The following SLC44A5 variants were observed in gnomAD, a reference collection of about 807,000 sequenced individuals.
The protein encoded by SLC44A5 is solute carrier family 44 member 5.
SLC44A5 carries 57 observed loss-of-function variants against 101.8 expected under a neutral mutation model. That is an observed-to-expected ratio of 0.56 (90% confidence interval 0.45 to 0.70). The LOEUF is 0.70. SLC44A5 is among the 30% of genes least tolerant of loss of function. The probability of loss-of-function intolerance (pLI) is 0.00; values close to 1 mark genes in which losing one functional copy is unlikely to be tolerated. For missense variants in SLC44A5, 737 were observed against 853.1 expected (o/e 0.86, Z 1.70); for synonymous variants, 281 against 290.9 (o/e 0.97, Z 0.35).
chr1:75,444,671 T>C (rs1197687651), intron 2 of SLC44A5, among the ~76,000 whole-genome samples: 1 of 151,244 alleles, frequency 6.6e-6, no homozygotes, highest in Non-Finnish European at 1.5e-5. Context: ...CAGCAAGAGA[T>C]AGCAGGATGA....
At chr1:75,364,329 C>T (rs1027580716) in intron 3 of SLC44A5, among the ~76,000 whole-genome samples, 1 of 152,102 alleles carries the variant, frequency 6.6e-6, no homozygotes, top group South Asian at 2.1e-4. Flanking sequence ...AACTTAAAAC[C>T]ATGGTGGAAG....
chr1:75,552,937 A>G (rs1181905487), intron 1 of SLC44A5, among the ~76,000 whole-genome samples: 1 of 152,222 alleles, frequency 6.6e-6, no homozygotes, highest in African/African-American at 2.4e-5. Context: ...AGAATGAGGG[A>G]GGTTTTTTTA....
intron 2 of SLC44A5, among the ~76,000 whole-genome samples, chr1:75,470,294 G>A (rs547926892): frequency 6.6e-6 from 1 of 152,246 alleles, no homozygotes; most frequent in South Asian, 2.1e-4. Context: ...ACTCAAAGAT[G>A]GAAGAGAATG....
the SLC44A5 span, among the ~76,000 whole-genome samples, chr1:75,647,132 T>G: frequency 6.6e-6 from 1 of 152,220 alleles, no homozygotes; most frequent in African/African-American, 2.4e-5. Context: ...AAGGCTTTGC[T>G]GCTTTGTGCA....
rs1387572480 is a variant in SLC44A5 at position 75,268,461 on chromosome 1, C to T, written c.260+6497G>A. On this transcript the variant is annotated intron_variant, in intron 6 of 23. Coordinates refer to ENST00000370859, the MANE Select transcript of SLC44A5 (RefSeq NM_001130058.2). ...TGTTATTTACATTTTTATTGAGAAT[C>T]TCCCTTTAACTTAAACGTAGGCTTC... 2.6e-5 allele frequency among the ~76,000 whole-genome samples: 4 copies of T among 152,110 alleles called. No homozygotes were observed. The East Asian group carries it at 7.7e-4, about 29-fold the overall frequency.
chr1:75,541,583 C>G (rs211743), intron 1 of SLC44A5, 67 bp from the exon 2 acceptor site: 46,610 of 1,036,672 alleles, frequency 0.045, 1,257 homozygotes, highest in Middle Eastern at 0.093. Context: ...AACAACTAAC[C>G]TTTTGGGAAT....
intron 2 of SLC44A5, among the ~76,000 whole-genome samples, chr1:75,507,722 T>C (rs1258629470): frequency 6.6e-6 from 1 of 152,154 alleles, no homozygotes; most frequent in Non-Finnish European, 1.5e-5. Context: ...CTGATTCCAT[T>C]TCAGAACTCA....
chr1:75,245,270 A>G (rs1649005603), intron 7 of SLC44A5, among the ~76,000 whole-genome samples: 1 of 152,130 alleles, frequency 6.6e-6, no homozygotes, highest in Non-Finnish European at 1.5e-5. Context: ...TTGCATATTC[A>G]TGTACCTTCA....
intron 2 of SLC44A5, among the ~76,000 whole-genome samples, chr1:75,409,257 T>C (rs1396081037): frequency 2.0e-5 from 3 of 152,160 alleles, no homozygotes; most frequent in South Asian, 2.1e-4. Flanking sequence ...CCTTCTCACA[T>C]AGCCTATTGT....
At chr1:75,238,742 C>A (rs1461389165) in intron 9 of SLC44A5, 106 bp from the exon 10 acceptor site, 4 of 712,718 alleles carry the variant, frequency 5.6e-6, no homozygotes, top group South Asian at 2.7e-5. Context: ...TCTTGCTAGG[C>A]ATGCAAATTG....
intron 1 of SLC44A5, among the ~76,000 whole-genome samples, chr1:75,562,873 T>C (rs968150256): frequency 6.6e-6 from 1 of 151,784 alleles, no homozygotes; most frequent in Non-Finnish European, 1.5e-5. Flanking sequence ...GATACCATAG[T>C]AATCCTCAAT....
intron 9 of SLC44A5, 131 bp from the exon 10 acceptor site, chr1:75,238,767 C>T (rs887144353): frequency 6.1e-6 from 3 of 491,306 alleles, no homozygotes; most frequent in Non-Finnish European, 1.0e-5. Flanking sequence ...ATATAGATAG[C>T]TCATTGCCTG....
chr1:75,292,604 C>G (rs922901156), intron 5 of SLC44A5, among the ~76,000 whole-genome samples: 3 of 152,150 alleles, frequency 2.0e-5, no homozygotes, highest in Non-Finnish European at 4.4e-5. Context: ...GACAATGGCA[C>G]TGCAGCAAAG....
intron 1 of SLC44A5, among the ~76,000 whole-genome samples, chr1:75,553,348 T>A (rs1672045137): frequency 6.6e-6 from 1 of 152,204 alleles, no homozygotes; most frequent in African/African-American, 2.4e-5. Context: ...TTTTTCAATA[T>A]CTCAGCTGCC....
chr1:75,546,851 A>T (rs1463845836), intron 1 of SLC44A5, among the ~76,000 whole-genome samples: 1 of 152,206 alleles, frequency 6.6e-6, no homozygotes, highest in Middle Eastern at 3.2e-3. Context: ...CATGGATTTT[A>T]AAAACTTTGC....
At chr1:75,524,248 C>T (rs981066213) in intron 2 of SLC44A5, among the ~76,000 whole-genome samples, 13 of 152,138 alleles carry the variant, frequency 8.5e-5, no homozygotes, top group Admixed American at 7.2e-4. Flanking sequence ...TGCTTGCTTC[C>T]CCTTCACCCT....
the SLC44A5 span, among the ~76,000 whole-genome samples, chr1:75,621,137 T>C: frequency 6.6e-6 from 1 of 152,190 alleles, no homozygotes; most frequent in Non-Finnish European, 1.5e-5. Flanking sequence ...GTGGTTCTTC[T>C]GGGCACAGAG....
chr1:75,533,868 T>C (rs542741671), intron 2 of SLC44A5, among the ~76,000 whole-genome samples: 3 of 152,362 alleles, frequency 2.0e-5, no homozygotes, highest in African/African-American at 7.2e-5. Context: ...TCTCAAAGAC[T>C]ATGTATCCTT....
chr1:75,248,444 G>C (rs1369416074), intron 7 of SLC44A5, among the ~76,000 whole-genome samples: 1 of 152,104 alleles, frequency 6.6e-6, no homozygotes, highest in Non-Finnish European at 1.5e-5. Flanking sequence ...TTCACCCATG[G>C]GGAATTAGAG....
Sources: allele counts gnomAD v4.1 joint callset (sites outside exome capture counted in the v4.1 genomes callset), GRCh38; gene constraint gnomAD v4.1.1; transcripts MANE v1.5; gene names NCBI Gene and HGNC (gene_info 2026-07-23, HGNC 2026-07-21).